The following NEO1 variants were observed in gnomAD, a reference collection of about 807,000 sequenced individuals.
NEO1 encodes the protein neogenin.
A neutral mutation model predicts 159.7 loss-of-function variants in NEO1; 63 were observed. That is an observed-to-expected ratio of 0.39 (90% CI 0.32 to 0.49). NEO1 has a LOEUF of 0.49. Ranked by LOEUF, NEO1 falls within the 20% of genes least tolerant of loss-of-function variation. The pLI, the probability that NEO1 is intolerant of heterozygous loss-of-function variation, is 0.85. For synonymous variants in NEO1, 633 were observed against 662.0 expected (o/e 0.96, Z 0.67); for missense variants, 1,615 against 1,831.0 (o/e 0.88, Z 2.15).
At chr15:73,139,134 A>G (rs566397449) in intron 5 of NEO1, among the ~76,000 whole-genome samples, 2 of 152,340 alleles carry the variant, frequency 1.3e-5, no homozygotes, top group East Asian at 1.9e-4. Flanking sequence ...CTTATCTCAT[A>G]TATGTAAATC....
intron 5 of NEO1, among the ~76,000 whole-genome samples, chr15:73,152,961 G>T (rs191793563): frequency 1.3e-5 from 2 of 152,272 alleles, no homozygotes; most frequent in Admixed American, 1.3e-4. Flanking sequence ...ATTGGTTCAC[G>T]TGATTATGGA....
At chr15:73,218,614 G>C (rs1275058253) in intron 7 of NEO1, among the ~76,000 whole-genome samples, 1 of 151,674 alleles carries the variant, frequency 6.6e-6, no homozygotes, top group Non-Finnish European at 1.5e-5. Context: ...TCCTGTTATT[G>C]GTCTATTCAG....
intron 1 of NEO1, among the ~76,000 whole-genome samples, chr15:73,075,949 GT>G (rs1325370038): frequency 6.6e-6 from 1 of 152,048 alleles, no homozygotes; most frequent in Admixed American, 6.6e-5. Context: ...ACCTATTTTT[GT>G]CTGTTTTGAA....
At chr15:73,130,308 G>GCC (rs71281951) in intron 4 of NEO1, among the ~76,000 whole-genome samples, 2,083 of 146,058 alleles carry the variant, frequency 0.014, 40 homozygotes, top group Middle Eastern at 0.038. Context: ...TCAGTTTCCC[G>GCC]CCCCCCCCGC....
chr15:73,146,076 C>T (rs2032870871), intron 5 of NEO1, among the ~76,000 whole-genome samples: 1 of 152,226 alleles, frequency 6.6e-6, no homozygotes, highest in Non-Finnish European at 1.5e-5. Flanking sequence ...GAAACTCTGA[C>T]TCCTACCTAT....
Position 73,258,889 on chromosome 15 carries a change from A to G in NEO1, c.2203+13A>G, listed in dbSNP as rs1489728195. Reference sequence around the variant, plus strand: ...AGTGACCTAGATGGTAAGAATAACAATTGGCAAGACTGGAACACAATAGAT... The same window carrying G: ...AGTGACCTAGATGGTAAGAATAACAGTTGGCAAGACTGGAACACAATAGAT... On this transcript the variant is annotated intron_variant, in intron 14 of 28. Coordinates refer to ENST00000261908, the MANE Select transcript of NEO1 (RefSeq NM_002499.4). 2 of 1,605,964 alleles carry G rather than the reference A, an allele frequency of 1.2e-6. No homozygotes were observed. The highest frequency in any genetic ancestry group is 3.3e-5 in the Admixed American group (2 of 59,986).
At chr15:73,174,778 A>G (rs2035186700) in intron 5 of NEO1, among the ~76,000 whole-genome samples, 1 of 152,232 alleles carries the variant, frequency 6.6e-6, no homozygotes, top group African/African-American at 2.4e-5. Flanking sequence ...GAAAAACGGC[A>G]GCATATTTAT....
chr15:73,121,945 CA>C (rs1187587009), intron 2 of NEO1, among the ~76,000 whole-genome samples: 1 of 151,286 alleles, frequency 6.6e-6, no homozygotes, highest in Non-Finnish European at 1.5e-5. Context: ...GCCATTTCTC[CA>C]AGAAATTATT....
At chr15:73,214,702 A>C (rs955179745) in intron 7 of NEO1, among the ~76,000 whole-genome samples, 3 of 152,114 alleles carry the variant, frequency 2.0e-5, no homozygotes, top group African/African-American at 7.2e-5. Flanking sequence ...GAAATCAGGT[A>C]GTGTGATGCC....
intron 21 of NEO1, among the ~76,000 whole-genome samples, chr15:73,276,724 G>A (rs1250751120): frequency 6.6e-6 from 1 of 152,142 alleles, no homozygotes; most frequent in Non-Finnish European, 1.5e-5. Context: ...AGATTTTAAT[G>A]TTTTCATTTC....
chr15:73,233,321 G>C (rs1224250067), intron 7 of NEO1, among the ~76,000 whole-genome samples: 6 of 152,024 alleles, frequency 3.9e-5, no homozygotes, highest in Admixed American at 3.3e-4. Flanking sequence ...TTTATTCCCT[G>C]TATAACTAAT....
intron 7 of NEO1, among the ~76,000 whole-genome samples, chr15:73,206,116 A>T (rs1291464498): frequency 6.6e-6 from 1 of 152,138 alleles, no homozygotes; most frequent in African/African-American, 2.4e-5. Flanking sequence ...CATGTTGCCC[A>T]GGGTGGTCTT....
intron 7 of NEO1, among the ~76,000 whole-genome samples, chr15:73,190,317 C>T (rs2036170275): frequency 6.6e-6 from 1 of 152,050 alleles, no homozygotes; most frequent in African/African-American, 2.4e-5. Context: ...TCCTTTCATA[C>T]CACGTCTGAT....
At chr15:73,119,326 T>TA (rs1191711119) in intron 2 of NEO1, among the ~76,000 whole-genome samples, 3 of 152,190 alleles carry the variant, frequency 2.0e-5, no homozygotes, top group Non-Finnish European at 2.9e-5. Context: ...CTAAAAGACT[T>TA]AGAGTTTTTT....
intron 22 of NEO1, 29 bp from the exon 23 acceptor site, chr15:73,282,935 T>G (rs1185706451): frequency 6.2e-7 from 1 of 1,608,632 alleles, no homozygotes; most frequent in Middle Eastern, 1.7e-4. Flanking sequence ...TCTCTAACCC[T>G]AACACATGTA....
chr15:73,063,625 TTTTG>T (rs142986643), intron 1 of NEO1, among the ~76,000 whole-genome samples: 80,228 of 150,722 alleles, frequency 0.53, 21,696 homozygotes, highest in Middle Eastern at 0.58. Context: ...GCGCAGCCTT[TTTTG>T]TTTGTTTGTT....
At chr15:73,281,547 C>T (rs1455749724) in intron 22 of NEO1, among the ~76,000 whole-genome samples, 2 of 152,268 alleles carry the variant, frequency 1.3e-5, no homozygotes, top group East Asian at 1.9e-4. Flanking sequence ...TGAGCCACTG[C>T]GCCAAGCCAA....
At chr15:73,262,182 A>T (rs2040648105) in intron 15 of NEO1, among the ~76,000 whole-genome samples, 1 of 152,186 alleles carries the variant, frequency 6.6e-6, no homozygotes, top group Non-Finnish European at 1.5e-5. Flanking sequence ...TGTAGGAAAA[A>T]ATCTTTATGA....
At chr15:73,297,307 C>G (rs1277122903) in intron 26 of NEO1, among the ~76,000 whole-genome samples, 2 of 152,166 alleles carry the variant, frequency 1.3e-5, no homozygotes, top group East Asian at 3.8e-4. Context: ...GCTTAACCTC[C>G]CAGTGCCTTC....
Sources: gnomAD v4.1 joint callset for allele counts (sites outside exome capture counted in the v4.1 genomes callset) on GRCh38, gnomAD v4.1.1 for gene constraint, MANE v1.5 for transcripts, NCBI Gene and HGNC (gene_info 2026-07-23, HGNC 2026-07-21) for gene names.